IQGAP3: variants seen among roughly 807,000 people sequenced by gnomAD.
IQGAP3 encodes ras GTPase-activating-like protein IQGAP3.
In IQGAP3, 165 loss-of-function variants were observed where a neutral mutation model predicts 208.2. The observed-to-expected ratio is 0.79, with a 90% CI of 0.70 to 0.90. The LOEUF (loss-of-function observed/expected upper bound fraction) is 0.90, where lower values mean the gene tolerates loss of function less well. Ranked by LOEUF, IQGAP3 falls within the 40% of genes least tolerant of loss-of-function variation. The probability of loss-of-function intolerance (pLI) is 0.00; values close to 1 mark genes in which losing one functional copy is unlikely to be tolerated. For synonymous variants in IQGAP3, 703 were observed against 803.6 expected (o/e 0.87, Z 2.12); for missense variants, 1,811 against 2,043.1 (o/e 0.89, Z 2.19).
chr1:156,563,835 A>G lies in IQGAP3; in HGVS notation c.438-11T>C, dbSNP rs1571362609. 6.2e-7 allele frequency: 1 copy of G among 1,612,902 alleles called. No homozygotes were observed. The highest frequency in any genetic ancestry group is 8.5e-7 in the Non-Finnish European group (1 of 1,179,234). On this transcript the variant is annotated splice_polypyrimidine_tract_variant and intron_variant, in intron 5 of 37. Transcript: ENST00000361170. ...CGGAAGAGGAAGAGACTAGGAAAAA[A>G]CGGAAGGCATTGGAAGGCACTGGGG...
Position 156,561,850 on chromosome 1 carries a change from C to T in IQGAP3, c.1029G>A (p.Glu343=). 6.2e-7 allele frequency: 1 copy of T among 1,614,076 alleles called. No individual in the cohort carries two copies. Among genetic ancestry groups the T allele is most frequent in the Non-Finnish European group, 8.5e-7 (1 of 1,179,948 alleles). ...WYLEQLNSDR[E]QKAQELGLVE... is the part of the protein sequence containing the mutation. ...GACAGAGGCTAACCTGTGCCTTCTG[C>T]TCTCTGTCTGAGTTCAGCTGCTCCA... Residue 343 remains glutamate (E), a synonymous_variant, in exon 10 of 38, where the codon GAG becomes GAA. Coordinates refer to ENST00000361170, the MANE Select transcript of IQGAP3 (RefSeq NM_178229.5).
intron 28 of IQGAP3, among the ~76,000 whole-genome samples, chr1:156,534,958 C>T (rs1674621199): frequency 6.6e-6 from 1 of 152,216 alleles, no homozygotes; most frequent in Admixed American, 6.5e-5. Context: ...GTGTTGCCCA[C>T]TCTGTTCGCT....
At chr1:156,534,255 C>T (rs1226705673) in intron 29 of IQGAP3, 114 bp from the exon 30 acceptor site, 2 of 1,491,886 alleles carry the variant, frequency 1.3e-6, no homozygotes, top group Non-Finnish European at 1.8e-6. Context: ...TTTGGACTCT[C>T]CAGTCTCAGC....
At chr1:156,552,616 G>A (rs768220468) in intron 13 of IQGAP3, among the ~76,000 whole-genome samples, 30 of 152,274 alleles carry the variant, frequency 2.0e-4, no homozygotes, top group African/African-American at 6.3e-4. Context: ...CTTTCAAAAT[G>A]TATCCAAAAT....
intron 2 of IQGAP3, among the ~76,000 whole-genome samples, chr1:156,568,505 C>T (rs1174949676): frequency 6.6e-6 from 1 of 152,222 alleles, no homozygotes; most frequent in Non-Finnish European, 1.5e-5. Flanking sequence ...GCGTGAGCCA[C>T]AGCGCCCATC....
chr1:156,560,756 T>C (rs375202282), intron 11 of IQGAP3, among the ~76,000 whole-genome samples, 178 bp downstream of exon 11: 1 of 152,154 alleles, frequency 6.6e-6, no homozygotes, highest in East Asian at 1.9e-4. Context: ...TGAACTTATC[T>C]GTAGTGTCCC....
At chr1:156,567,194 A>T (rs1263683502) in intron 2 of IQGAP3, among the ~76,000 whole-genome samples, 1 of 152,208 alleles carries the variant, frequency 6.6e-6, no homozygotes, top group East Asian at 1.9e-4. Flanking sequence ...TGCTAAACAA[A>T]ATAGAACGTG....
In IQGAP3 at chr1:156,544,050, C is replaced by T. The variant is rs868057365; in HGVS notation, c.2461G>A (p.Val821Ile). ...LRRLHYFQKN[V>I]NSIVKIQAFF... The stretch of plus-strand genomic sequence containing the variant: ...GCCTGGATCTTCACAATGGAGTTAA[C>T]CTGCCACAAACACAGATTGGAAAAG... Residue 821 changes from valine to isoleucine, a missense_variant and splice_region_variant, in exon 22 of 38, where the codon GTT becomes ATT. Physicochemically the swap from Val to Ile is conservative, Grantham distance 29 (BLOSUM62 3). Transcript: ENST00000361170. The T allele has an allele frequency of 1.2e-6, 2 of 1,614,068 alleles. No homozygotes were observed. The highest frequency in any genetic ancestry group is 2.7e-5 in the African/African-American group (2 of 74,906).
At chr1:156,534,765 C>G in intron 28 of IQGAP3, 32 bp from the exon 29 acceptor site, 1 of 1,432,004 alleles carries the variant, frequency 7.0e-7, no homozygotes, top group Non-Finnish European at 9.3e-7. Context: ...CCAGAAGTGT[C>G]CAGGGGCCGC....
At chr1:156,538,134 C>T (rs1227334831) in intron 26 of IQGAP3, among the ~76,000 whole-genome samples, 3 of 152,132 alleles carry the variant, frequency 2.0e-5, no homozygotes. Context: ...GATCTCGGCT[C>T]ACTGCAAGCT....
chr1:156,544,252 C>T, intron 20 of IQGAP3, 29 bp from the exon 21 acceptor site: 1 of 1,612,364 alleles, frequency 6.2e-7, no homozygotes, highest in Non-Finnish European at 8.5e-7. Flanking sequence ...TGCCTCAGCT[C>T]CAGCTTGGGG....
intron 29 of IQGAP3, among the ~76,000 whole-genome samples, 167 bp from the exon 30 acceptor site, chr1:156,534,308 C>T (rs1674576059): frequency 6.6e-6 from 1 of 152,206 alleles, no homozygotes; most frequent in African/African-American, 2.4e-5. Context: ...AGTGACCCCT[C>T]AAGACAATCT....
chr1:156,549,470 C>CAAA (rs11317404), intron 16 of IQGAP3, among the ~76,000 whole-genome samples: 1 of 80,214 alleles, frequency 1.2e-5, no homozygotes. Flanking sequence ...CACTCTGTCT[C>CAAA]AAAAAAAAAA....
At chr1:156,562,180 C>T (rs1320505988) in intron 9 of IQGAP3, among the ~76,000 whole-genome samples, 179 bp from the exon 10 acceptor site, 6 of 152,040 alleles carry the variant, frequency 3.9e-5, no homozygotes, top group African/African-American at 1.5e-4. Flanking sequence ...TCACAGCCTT[C>T]TCACTTCGCC....
At chr1:156,551,578 C>T in intron 15 of IQGAP3, 127 bp downstream of exon 15, 1 of 983,756 alleles carries the variant, frequency 1.0e-6, no homozygotes. Flanking sequence ...GATTGGAACA[C>T]CCCCCTCACC....
intron 2 of IQGAP3, among the ~76,000 whole-genome samples, chr1:156,566,806 C>T (rs1184641322): frequency 2.0e-5 from 3 of 152,128 alleles, no homozygotes; most frequent in Admixed American, 2.0e-4. Flanking sequence ...CTGAACCTGC[C>T]CATCTTCAGT....
At chr1:156,572,342 C>T in intron 1 of IQGAP3, 151 bp downstream of exon 1, 1 of 832,742 alleles carries the variant, frequency 1.2e-6, no homozygotes, top group Non-Finnish European at 2.0e-6. Context: ...CCACGGCGCC[C>T]GGGCTGAGGA....
chr1:156,538,555 T>C (rs1277088327), intron 26 of IQGAP3, among the ~76,000 whole-genome samples: 1 of 152,232 alleles, frequency 6.6e-6, no homozygotes, highest in African/African-American at 2.4e-5. Context: ...CATTTGCATA[T>C]TCATCTGTAC....
In IQGAP3 at chr1:156,548,254, A is replaced by C. The variant is rs767776895; in HGVS notation, c.2134-11T>G. On this transcript the variant is annotated splice_polypyrimidine_tract_variant and intron_variant, in intron 18 of 37. Transcript: ENST00000361170. ...CTTGGTGACAGCTGACTGTGGAGGCAGGAGAGAGACGCTGTGGTCTTTTGG... is the reference window on the plus strand; with the variant it reads ...CTTGGTGACAGCTGACTGTGGAGGCCGGAGAGAGACGCTGTGGTCTTTTGG... 3.1e-6 allele frequency: 5 copies of C among 1,612,628 alleles called. No homozygotes were observed. Among genetic ancestry groups the C allele is most frequent in the African/African-American group, 1.3e-5 (1 of 74,886 alleles).
Sources: allele counts gnomAD v4.1 joint callset (sites outside exome capture counted in the v4.1 genomes callset), GRCh38; gene constraint gnomAD v4.1.1; transcripts MANE v1.5; gene names NCBI Gene and HGNC (gene_info 2026-07-23, HGNC 2026-07-21).